MDGA2: variants seen among roughly 807,000 people sequenced by gnomAD.
MDGA2 encodes MAM domain-containing glycosylphosphatidylinositol anchor protein 2.
A neutral mutation model predicts 117.8 loss-of-function variants in MDGA2; 40 were observed. The observed-to-expected ratio is 0.34, with a 90% CI of 0.26 to 0.44. The LOEUF is 0.44. Among genes scored for constraint, MDGA2 ranks in the 20% least tolerant of loss-of-function variants. The pLI, the probability that MDGA2 is intolerant of heterozygous loss-of-function variation, is 1.00. For missense variants in MDGA2, 1,123 were observed against 1,250.6 expected (o/e 0.90, Z 1.54); for synonymous variants, 452 against 439.0 (o/e 1.03, Z -0.37).
intron 8 of MDGA2, among the ~76,000 whole-genome samples, chr14:46,975,498 TATCA>T (rs1307228210): frequency 6.6e-6 from 1 of 152,118 alleles, no homozygotes; most frequent in Non-Finnish European, 1.5e-5. Flanking sequence ...TACAATAGAA[TATCA>T]ATCAGCTTTT....
At chr14:46,926,263 C>T (rs1168750839) in intron 9 of MDGA2, among the ~76,000 whole-genome samples, 1 of 151,908 alleles carries the variant, frequency 6.6e-6, no homozygotes, top group Non-Finnish European at 1.5e-5. Flanking sequence ...TGGATAGGAA[C>T]CAAATAATTT....
chr14:47,426,302 C>T (rs1258471990), intron 1 of MDGA2, among the ~76,000 whole-genome samples: 3 of 150,630 alleles, frequency 2.0e-5, no homozygotes, highest in Non-Finnish European at 4.4e-5. Context: ...ATTTTTTTTA[C>T]TTCTATTATT....
At chr14:47,591,897 C>T (rs929924724) in intron 1 of MDGA2, among the ~76,000 whole-genome samples, 1 of 151,984 alleles carries the variant, frequency 6.6e-6, no homozygotes, top group African/African-American at 2.4e-5. Context: ...CTCTCTCACT[C>T]CTATTCAACA....
intron 8 of MDGA2, among the ~76,000 whole-genome samples, chr14:47,019,619 G>A (rs1594533555): frequency 6.6e-6 from 1 of 152,130 alleles, no homozygotes; most frequent in East Asian, 1.9e-4. Context: ...CGAGGCGGGC[G>A]GATCACGAGG....
chr14:47,652,740 G>A (rs1377630621), intron 1 of MDGA2, among the ~76,000 whole-genome samples: 1 of 152,052 alleles, frequency 6.6e-6, no homozygotes, highest in African/African-American at 2.4e-5. Flanking sequence ...AAATTGCAAA[G>A]ATCATTTCAG....
chr14:46,905,326 T>A (rs1883446584), intron 10 of MDGA2, among the ~76,000 whole-genome samples: 1 of 152,158 alleles, frequency 6.6e-6, no homozygotes. Flanking sequence ...ACAAAATAAG[T>A]ACTAACCACT....
intron 2 of MDGA2, among the ~76,000 whole-genome samples, chr14:47,231,262 G>A (rs1473084871): frequency 6.6e-6 from 1 of 151,920 alleles, no homozygotes; most frequent in Non-Finnish European, 1.5e-5. Flanking sequence ...ATTTATTAAT[G>A]CATCTCATTT....
chr14:47,058,980 T>C (rs1320376655), intron 7 of MDGA2: 2 of 984,244 alleles, frequency 2.0e-6, no homozygotes, highest in African/African-American at 1.8e-5. Flanking sequence ...CACCACAAAT[T>C]GAGGAGCTGC....
At chr14:47,036,747 A>G (rs1888870062) in intron 7 of MDGA2, among the ~76,000 whole-genome samples, 1 of 152,224 alleles carries the variant, frequency 6.6e-6, no homozygotes, top group Non-Finnish European at 1.5e-5. Flanking sequence ...ATTATGTTTA[A>G]AATTATTTTT....
intron 8 of MDGA2, among the ~76,000 whole-genome samples, chr14:47,000,438 C>T (rs373895640): frequency 5.8e-4 from 48 of 82,186 alleles, no homozygotes; most frequent in African/African-American, 1.7e-3. Context: ...AATATATATA[C>T]ATATAAATAT....
In MDGA2 at chr14:46,882,231, A is replaced by G; in HGVS notation, c.2239-10T>C. ...AGCGCTGCTGTCCAGCCTGAAATCA[A>G]AACAATAATAGAATAATGTTCCCAG... On this transcript the variant is annotated splice_polypyrimidine_tract_variant and intron_variant, in intron 10 of 16. Transcript: ENST00000399232. The G allele has an allele frequency of 6.2e-7, 1 of 1,603,506 alleles. No homozygotes were observed. Among genetic ancestry groups the G allele is most frequent in the Non-Finnish European group, 8.5e-7 (1 of 1,174,770 alleles).
chr14:47,052,811 A>G (rs2138732401), intron 7 of MDGA2, among the ~76,000 whole-genome samples: 2 of 151,928 alleles, frequency 1.3e-5, no homozygotes, highest in Admixed American at 1.3e-4. Context: ...CTGAGGATGG[A>G]TGTTCTTCAT....
chr14:47,245,064 C>T (rs1887193253), intron 2 of MDGA2, among the ~76,000 whole-genome samples: 1 of 151,808 alleles, frequency 6.6e-6, no homozygotes, highest in Admixed American at 6.6e-5. Context: ...CACTCTGTCA[C>T]CCAGGCTGGA....
intron 1 of MDGA2, among the ~76,000 whole-genome samples, chr14:47,413,932 C>T (rs74045053): frequency 0.029 from 4,441 of 152,172 alleles, 242 homozygotes; most frequent in African/African-American, 0.1. Flanking sequence ...TAAAACTACA[C>T]AGTGCCTATG....
intron 1 of MDGA2, among the ~76,000 whole-genome samples, chr14:47,340,014 A>G (rs577058366): frequency 1.3e-5 from 2 of 152,318 alleles, no homozygotes; most frequent in East Asian, 3.9e-4. Context: ...TCAAATATGT[A>G]TGCTCTAAAG....
intron 6 of MDGA2, among the ~76,000 whole-genome samples, chr14:47,063,763 T>C (rs1014547153): frequency 1.9e-4 from 29 of 152,088 alleles, no homozygotes; most frequent in African/African-American, 6.5e-4. Context: ...AATTTATTAA[T>C]AACCATATGA....
chr14:46,850,869 G>T (rs1881029988), intron 15 of MDGA2, among the ~76,000 whole-genome samples: 2 of 151,804 alleles, frequency 1.3e-5, no homozygotes, highest in African/African-American at 4.8e-5. Flanking sequence ...GCATCAAATT[G>T]TGAGCTGCAA....
At chr14:47,406,205 T>G (rs942917700) in intron 1 of MDGA2, among the ~76,000 whole-genome samples, 9 of 152,106 alleles carry the variant, frequency 5.9e-5, no homozygotes, top group Non-Finnish European at 7.4e-5. Flanking sequence ...GGAAATAAAT[T>G]TTAATAAAAC....
intron 1 of MDGA2, among the ~76,000 whole-genome samples, chr14:47,496,641 T>C (rs536578630): frequency 1.3e-5 from 2 of 152,058 alleles, no homozygotes; most frequent in African/African-American, 4.8e-5. Context: ...GAAAGATATC[T>C]GATTGGTGTT....
Sources: allele counts gnomAD v4.1 joint callset (sites outside exome capture counted in the v4.1 genomes callset), GRCh38; gene constraint gnomAD v4.1.1; transcripts MANE v1.5; gene names NCBI Gene and HGNC (gene_info 2026-07-23, HGNC 2026-07-21).